The following PCDH15 variants were observed in gnomAD, a reference collection of about 807,000 sequenced individuals.
PCDH15 encodes protocadherin-15.
Under a neutral mutation model 178.5 loss-of-function variants are expected in PCDH15, and 129 were observed. The ratio of observed to expected loss-of-function variants is 0.72; its 90% confidence interval spans 0.63 to 0.84. The LOEUF is 0.84. PCDH15 is among the 40% of genes least tolerant of loss of function. The probability of loss-of-function intolerance (pLI) is 0.00; values close to 1 mark genes in which losing one functional copy is unlikely to be tolerated. For missense variants in PCDH15, 2,230 were observed against 2,099.9 expected (o/e 1.06, Z -1.21); for synonymous variants, 800 against 732.0 (o/e 1.09, Z -1.50).
At chr10:54,068,321 C>T (rs973005577) in intron 17 of PCDH15, among the ~76,000 whole-genome samples, 2 of 151,868 alleles carry the variant, frequency 1.3e-5, no homozygotes, top group Admixed American at 1.3e-4. Context: ...GTTGGCTTAC[C>T]CTTTGAAAAT....
intron 1 of PCDH15, among the ~76,000 whole-genome samples, chr10:55,242,369 G>A (rs866613646): frequency 1.3e-5 from 2 of 152,128 alleles, no homozygotes; most frequent in Non-Finnish European, 1.5e-5. Context: ...AATAGCTAAT[G>A]AGACTCTAAG....
intron 2 of PCDH15, among the ~76,000 whole-genome samples, chr10:54,977,402 G>C (rs920194709): frequency 6.6e-6 from 1 of 152,216 alleles, no homozygotes. Context: ...CCTCACTGCT[G>C]ATTATACTGT....
intron 15 of PCDH15, among the ~76,000 whole-genome samples, chr10:54,126,518 C>G (rs2042002762): frequency 6.6e-6 from 1 of 152,050 alleles, no homozygotes; most frequent in East Asian, 1.9e-4. Context: ...TGAATATATT[C>G]TTGACAAGTA....
At chr10:53,807,328 T>G (rs1841254978) in intron 37 of PCDH15, among the ~76,000 whole-genome samples, 198 bp from the exon 38 acceptor site, 1 of 152,182 alleles carries the variant, frequency 6.6e-6, no homozygotes, top group Non-Finnish European at 1.5e-5. Context: ...ATCTTTCTTA[T>G]TAATGTTTGA....
intron 3 of PCDH15, among the ~76,000 whole-genome samples, chr10:54,893,096 CTG>C (rs995518197): frequency 1.3e-5 from 2 of 152,028 alleles, no homozygotes; most frequent in Non-Finnish European, 2.9e-5. Context: ...CTATTAGACA[CTG>C]GGGTATATTA....
intron 8 of PCDH15, among the ~76,000 whole-genome samples, chr10:54,239,209 C>T (rs574140230): frequency 6.6e-6 from 1 of 151,604 alleles, no homozygotes; most frequent in South Asian, 2.1e-4. Flanking sequence ...GTTACCTACA[C>T]ATAAGCAGTT....
intron 3 of PCDH15, among the ~76,000 whole-genome samples, chr10:54,476,523 T>C (rs776667740): frequency 1.3e-5 from 2 of 152,144 alleles, no homozygotes; most frequent in Non-Finnish European, 2.9e-5. Flanking sequence ...AAATTTTCAT[T>C]TCAGTTGCAT....
chr10:55,096,724 A>G (rs1047392277), intron 2 of PCDH15, among the ~76,000 whole-genome samples: 2 of 152,234 alleles, frequency 1.3e-5, no homozygotes, highest in African/African-American at 4.8e-5. Context: ...TATAAATGAG[A>G]TAATGCAGTA....
rs1205344902 is a variant in PCDH15 at position 54,288,549 on chromosome 10, C to A, written c.876+28722G>T. On this transcript the variant is annotated intron_variant, in intron 8 of 37. Coordinates refer to ENST00000644397, the MANE Select transcript of PCDH15 (RefSeq NM_001384140.1). ...GCAGCCCACGGAGGGCGAGCCACAG[C>A]AGGGTGGGGTGTCACCTCACCCAGG... Among the ~76,000 whole-genome samples, 6 of 152,276 alleles carry A rather than the reference C, an allele frequency of 3.9e-5. No homozygotes were observed. In the East Asian group the frequency reaches 1.2e-3, roughly 30 times the overall value.
chr10:54,992,099 G>T lies in PCDH15; in HGVS notation c.-79-94599C>A, dbSNP rs150829298. On this transcript the variant is annotated intron_variant, in intron 2 of 5. Transcript: ENST00000458638. Reference sequence around the variant, plus strand: ...AACTATATTTAAAAGAAAAAATAAAGAATTTTTTAAAAATCACTCTATAAT... The same window carrying T: ...AACTATATTTAAAAGAAAAAATAAATAATTTTTTAAAAATCACTCTATAAT... Among the ~76,000 whole-genome samples, 50 of 151,944 alleles carry T rather than the reference G, an allele frequency of 3.3e-4. 1 individual carries two copies. In the East Asian group the frequency reaches 8.7e-3, roughly 26 times the overall value.
chr10:54,227,841 G>T (rs1278893097), intron 9 of PCDH15, among the ~76,000 whole-genome samples: 1 of 152,094 alleles, frequency 6.6e-6, no homozygotes, highest in Non-Finnish European at 1.5e-5. Flanking sequence ...CTAAGGCAGG[G>T]GCAAAATGCT....
rs559488667 is a variant in PCDH15, at chr10:54,468,500, G to A, written c.157+59312C>T. Among the ~76,000 whole-genome samples, 130 of 151,916 alleles carry A rather than the reference G, an allele frequency of 8.6e-4. 1 individual carries two copies. Among genetic ancestry groups the A allele is most frequent in the South Asian group, 4.2e-3 (20 of 4,808 alleles). On this transcript the variant is annotated intron_variant, in intron 3 of 37. Coordinates refer to ENST00000644397, the MANE Select transcript of PCDH15 (RefSeq NM_001384140.1). ...TTCTTGTTATTTTTTATTCCACTGTGTTCTGAGAAGATACTTGGTATATTT... is the reference window on the plus strand; with the variant it reads ...TTCTTGTTATTTTTTATTCCACTGTATTCTGAGAAGATACTTGGTATATTT...
intron 18 of PCDH15, among the ~76,000 whole-genome samples, chr10:54,065,650 G>A (rs2135715): frequency 0.18 from 26,935 of 152,204 alleles, 2,863 homozygotes; most frequent in Non-Finnish European, 0.25. Context: ...ATAAGGTTAT[G>A]TATGCCTTAT....
At chr10:54,275,740 GC>G (rs1485082201) in intron 8 of PCDH15, among the ~76,000 whole-genome samples, 1 of 151,236 alleles carries the variant, frequency 6.6e-6, no homozygotes, top group African/African-American at 2.4e-5. Context: ...TGACAGAAAG[GC>G]TTCTTATAAC....
chr10:54,192,152 GAA>G (rs768873038), intron 11 of PCDH15, among the ~76,000 whole-genome samples: 5 of 52,722 alleles, frequency 9.5e-5, no homozygotes, highest in South Asian at 8.5e-4. Flanking sequence ...AAGAAAGAAA[GAA>G]AAAGAAAGAA....
intron 2 of PCDH15, among the ~76,000 whole-genome samples, chr10:55,543,613 G>A (rs890011427): frequency 6.6e-6 from 1 of 150,924 alleles, no homozygotes; most frequent in Non-Finnish European, 1.5e-5. Flanking sequence ...AAGGAGAAGA[G>A]CTAGAATCTA....
intron 3 of PCDH15, among the ~76,000 whole-genome samples, chr10:54,381,768 C>T (rs1949265262): frequency 6.6e-6 from 1 of 151,962 alleles, no homozygotes; most frequent in Admixed American, 6.6e-5. Flanking sequence ...TGAAATTTTC[C>T]TTTCATCATA....
chr10:54,361,124 A>C (rs565313151), intron 5 of PCDH15, among the ~76,000 whole-genome samples: 63 of 152,200 alleles, frequency 4.1e-4, no homozygotes, highest in African/African-American at 1.0e-3. Flanking sequence ...TCTAGGATTC[A>C]TGTATATACC....
chr10:55,192,272 A>C (rs928365566), intron 1 of PCDH15, among the ~76,000 whole-genome samples: 1 of 151,816 alleles, frequency 6.6e-6, no homozygotes, highest in Non-Finnish European at 1.5e-5. Flanking sequence ...GGTTATATAC[A>C]GTGCCATTCT....
Sources: gnomAD v4.1 joint callset for allele counts (sites outside exome capture counted in the v4.1 genomes callset) on GRCh38, gnomAD v4.1.1 for gene constraint, MANE v1.5 for transcripts, NCBI Gene and HGNC (gene_info 2026-07-23, HGNC 2026-07-21) for gene names.